The following TUT4 variants were observed in gnomAD, a reference collection of about 807,000 sequenced individuals.
The protein encoded by TUT4 is terminal uridylyl transferase 4.
TUT4 carries 36 observed loss-of-function variants against 192.2 expected under a neutral mutation model. The observed-to-expected ratio is 0.19, with a 90% CI of 0.14 to 0.25. The LOEUF (loss-of-function observed/expected upper bound fraction) is 0.25, where lower values mean the gene tolerates loss of function less well. Ranked by LOEUF, TUT4 falls within the 10% of genes least tolerant of loss-of-function variation. The pLI is 1.00. For synonymous variants in TUT4, 618 were observed against 666.0 expected (o/e 0.93, Z 1.11); for missense variants, 1,493 against 1,957.2 (o/e 0.76, Z 4.47).
chr1:52,513,118 G>T (rs914579347), intron 3 of TUT4, among the ~76,000 whole-genome samples: 4 of 145,458 alleles, frequency 2.7e-5, no homozygotes, highest in Admixed American at 6.8e-5. Flanking sequence ...ATGAGACCCT[G>T]TCTCAAAAAA....
intron 6 of TUT4, among the ~76,000 whole-genome samples, chr1:52,494,750 C>T (rs1672052958): frequency 6.6e-6 from 1 of 152,056 alleles, no homozygotes; most frequent in African/African-American, 2.4e-5. Flanking sequence ...AAATGTATCA[C>T]CCTACAAACA....
intron 27 of TUT4, chr1:52,433,085 T>A (rs1399872037): frequency 2.0e-5 from 3 of 152,258 alleles, no homozygotes; most frequent in Non-Finnish European, 4.4e-5. Context: ...ACTTTTTTTT[T>A]TTTGAGACAG....
chr1:52,496,913 G>C, intron 5 of TUT4, 93 bp downstream of exon 5: 1 of 1,225,082 alleles, frequency 8.2e-7, no homozygotes, highest in Non-Finnish European at 1.1e-6. Flanking sequence ...AAGGAGAAAA[G>C]GGAAGAAAAA....
chr1:52,496,929 A>G (rs1271211209), intron 5 of TUT4, 77 bp downstream of exon 5: 5 of 1,348,106 alleles, frequency 3.7e-6, no homozygotes, highest in Non-Finnish European at 4.0e-6. Flanking sequence ...AAAAACATTA[A>G]GAAATGTACT....
At chr1:52,538,099 G>C (rs577559698) in intron 1 of TUT4, among the ~76,000 whole-genome samples, 24 of 152,136 alleles carry the variant, frequency 1.6e-4, no homozygotes, top group Non-Finnish European at 3.5e-4. Flanking sequence ...AGCCGGGTGT[G>C]GTGGCCCACA....
chr1:52,453,052 G>C (rs1209566259), intron 20 of TUT4, among the ~76,000 whole-genome samples: 3 of 152,202 alleles, frequency 2.0e-5, no homozygotes, highest in Admixed American at 2.0e-4. Context: ...GGTCACAGAA[G>C]TCTTCTGTGA....
intron 24 of TUT4, among the ~76,000 whole-genome samples, chr1:52,444,436 C>T (rs544394190): frequency 3.0e-4 from 46 of 152,008 alleles, no homozygotes; most frequent in African/African-American, 1.0e-3. Flanking sequence ...TATTCTACCC[C>T]CAAGAAATAA....
intron 1 of TUT4, among the ~76,000 whole-genome samples, chr1:52,551,421 T>C (rs1489481561): frequency 5.3e-5 from 8 of 152,164 alleles, no homozygotes; most frequent in African/African-American, 1.9e-4. Flanking sequence ...GTTTCTTTTG[T>C]TTATATTAAA....
intron 3 of TUT4, 165 bp downstream of exon 3, chr1:52,515,726 G>T: frequency 1.3e-6 from 1 of 777,242 alleles, no homozygotes; most frequent in Non-Finnish European, 2.1e-6. Context: ...AGAGAGGCAA[G>T]GAAGAAAAGA....
At chr1:52,465,225 G>C in intron 15 of TUT4, 52 bp from the exon 16 acceptor site, 145 of 1,290,132 alleles carry the variant, frequency 1.1e-4, no homozygotes, top group Non-Finnish European at 1.4e-4. Flanking sequence ...GAGAGGAGGA[G>C]TCTTCTGCTA....
chr1:52,543,611 G>A (rs1687292805), intron 1 of TUT4, among the ~76,000 whole-genome samples: 1 of 151,570 alleles, frequency 6.6e-6, no homozygotes, highest in Non-Finnish European at 1.5e-5. Flanking sequence ...AGCCTCCTGA[G>A]TAGCTGGGAT....
Position 52,465,121 on chromosome 1 carries a change from A to C in TUT4, c.3018T>G (p.Arg1006=). The change falls in exon 16 of 30, where the codon CGT becomes CGG. Residue 1006 remains arginine, a synonymous_variant. Coordinates refer to ENST00000257177, the MANE Select transcript of TUT4 (RefSeq NM_001009881.3). ...TCATACAAATATCCAGATCACTATC[A>C]CGAAATCCAAATCCATTCTTAGAAG... is the stretch of plus-strand genomic sequence containing the variant. ...FGSSKNGFGF[R]DSDLDICMTL... 1 of 1,613,874 alleles carries C rather than the reference A, an allele frequency of 6.2e-7. No individual in the cohort carries two copies. Among genetic ancestry groups the C allele is most frequent in the Middle Eastern group, 1.7e-4 (1 of 6,056 alleles).
chr1:52,508,608 C>A (rs1676272759), intron 4 of TUT4, among the ~76,000 whole-genome samples: 1 of 151,990 alleles, frequency 6.6e-6, no homozygotes, highest in East Asian at 1.9e-4. Context: ...AGGTAGACAG[C>A]CAGAATACAA....
At chr1:52,493,810 T>G (rs1671786840) in intron 6 of TUT4, 148 bp from the exon 7 acceptor site, 2 of 623,876 alleles carry the variant, frequency 3.2e-6, no homozygotes, top group Non-Finnish European at 5.6e-6. Context: ...GTGTTTTTTT[T>G]TTGTTTTTTT....
chr1:52,473,360 T>C lies in TUT4; in HGVS notation c.2728-1258A>G, dbSNP rs1175555453. On this transcript the variant is annotated intron_variant, in intron 13 of 29. Coordinates refer to ENST00000257177, the MANE Select transcript of TUT4 (RefSeq NM_001009881.3). ...GATCTGTACAAAGTAGTTCTGGAGATCTGTACAGATTAATAATACTGTATT... is the reference window on the plus strand; with the variant it reads ...GATCTGTACAAAGTAGTTCTGGAGACCTGTACAGATTAATAATACTGTATT... 5.3e-5 allele frequency among the ~76,000 whole-genome samples: 8 copies of C among 152,214 alleles called. No homozygotes were observed. In the East Asian group the frequency reaches 1.5e-3, roughly 29 times the overall value.
intron 15 of TUT4, among the ~76,000 whole-genome samples, chr1:52,466,975 T>A (rs766347493): frequency 1.1e-4 from 16 of 151,970 alleles, no homozygotes; most frequent in South Asian, 6.2e-4. Flanking sequence ...CCAAAAAAAA[T>A]ATTTCTTAAT....
At chr1:52,488,610 T>G (rs1242748692) in intron 9 of TUT4, among the ~76,000 whole-genome samples, 1 of 152,118 alleles carries the variant, frequency 6.6e-6, no homozygotes, top group Non-Finnish European at 1.5e-5. Flanking sequence ...ACAGTAAGAG[T>G]GAAAACTTGA....
At chr1:52,496,285 C>A (rs1672423813) in intron 5 of TUT4, among the ~76,000 whole-genome samples, 1 of 152,018 alleles carries the variant, frequency 6.6e-6, no homozygotes, top group African/African-American at 2.4e-5. Context: ...CTTTTCTTAT[C>A]ATAGTAAATA....
At chr1:52,474,401 C>A (rs1214633787) in intron 13 of TUT4, among the ~76,000 whole-genome samples, 1 of 152,078 alleles carries the variant, frequency 6.6e-6, no homozygotes, top group Non-Finnish European at 1.5e-5. Context: ...TATTTCCCCC[C>A]TCTAAAAATA....
Sources: gnomAD v4.1 joint callset for allele counts (sites outside exome capture counted in the v4.1 genomes callset) on GRCh38, gnomAD v4.1.1 for gene constraint, MANE v1.5 for transcripts, NCBI Gene and HGNC (gene_info 2026-07-23, HGNC 2026-07-21) for gene names.